The following DAB2IP variants were observed in gnomAD, a reference collection of about 807,000 sequenced individuals.
DAB2IP encodes disabled homolog 2-interacting protein.
DAB2IP carries 28 observed loss-of-function variants against 107.2 expected under a neutral mutation model. The observed-to-expected ratio is 0.26, with a 90% CI of 0.19 to 0.36. DAB2IP has a LOEUF of 0.36. Ranked by LOEUF, DAB2IP falls within the 10% of genes least tolerant of loss-of-function variation. The pLI is 1.00. For missense variants in DAB2IP, 1,400 were observed against 1,644.7 expected (o/e 0.85, Z 2.57); for synonymous variants, 755 against 706.4 (o/e 1.07, Z -1.09).
At chr9:121,682,121 G>A (rs1375239443) in intron 2 of DAB2IP, among the ~76,000 whole-genome samples, 1 of 152,232 alleles carries the variant, frequency 6.6e-6, no homozygotes, top group Admixed American at 6.5e-5. Context: ...CACAGACCCT[G>A]TGCAGGGCCA....
At chr9:121,615,727 A>G (rs1178659875) in intron 1 of DAB2IP, among the ~76,000 whole-genome samples, 1 of 151,818 alleles carries the variant, frequency 6.6e-6, no homozygotes, top group African/African-American at 2.4e-5. Flanking sequence ...CCCTGGTTCA[A>G]GCGATTCTCC....
intron 2 of DAB2IP, among the ~76,000 whole-genome samples, chr9:121,689,844 C>T (rs1268987562): frequency 6.6e-6 from 1 of 152,254 alleles, no homozygotes; most frequent in Non-Finnish European, 1.5e-5. Context: ...AGACTAATCC[C>T]CGCATTGTAC....
rs1832013759 is a variant in DAB2IP, at chr9:121,634,572, C to T, written c.41-44106C>T. 2.6e-5 allele frequency among the ~76,000 whole-genome samples: 4 copies of T among 152,080 alleles called. No individual in the cohort carries two copies. The highest frequency in any genetic ancestry group is 1.3e-4 in the Admixed American group (2 of 15,260). ...GGTGCGCAGTTTGGAAGGGGTGACGCGCAGGTCTGAGAATGGGTGGGCAGT... is the reference window on the plus strand; with the variant it reads ...GGTGCGCAGTTTGGAAGGGGTGACGTGCAGGTCTGAGAATGGGTGGGCAGT... On this transcript the variant is annotated intron_variant, in intron 1 of 16. Transcript: ENST00000259371. The surrounding 1 kb of genome is among the most constrained non-coding windows in gnomAD (Gnocchi z 4.7).
intron 1 of DAB2IP, among the ~76,000 whole-genome samples, chr9:121,657,378 C>G (rs1833011497): frequency 6.6e-6 from 1 of 152,184 alleles, no homozygotes; most frequent in African/African-American, 2.4e-5. Flanking sequence ...CTTCCTGACC[C>G]ACCCTCATCA....
chr9:121,735,464 GTTGT>G (rs576649650), intron 3 of DAB2IP, among the ~76,000 whole-genome samples: 1 of 152,228 alleles, frequency 6.6e-6, no homozygotes, highest in South Asian at 2.1e-4. Context: ...GAGCTCAGTA[GTTGT>G]TTGCTAAAAC....
rs952950429 is a variant in DAB2IP at position 121,570,947 on chromosome 9, C to T, written c.40+3719C>T. On this transcript the variant is annotated intron_variant, in intron 1 of 16. Transcript: ENST00000259371. ...CCTGCTGCTGCCCACAGGGTCCCTT[C>T]GCCAGTGCCTGCCTCCTCTGCTCCT... Among the ~76,000 whole-genome samples the T allele has an allele frequency of 9.2e-5, 14 of 152,038 alleles. 1 individual carries two copies. Among genetic ancestry groups the T allele is most frequent in the African/African-American group, 3.4e-4 (14 of 41,328 alleles).
intron 9 of DAB2IP, among the ~76,000 whole-genome samples, chr9:121,767,240 G>A (rs1387617724): frequency 6.6e-6 from 1 of 152,234 alleles, no homozygotes; most frequent in Non-Finnish European, 1.5e-5. Context: ...AAGTAGAAGG[G>A]CTGGGTCGTC....
intron 8 of DAB2IP, among the ~76,000 whole-genome samples, chr9:121,766,220 C>T (rs1834264749): frequency 6.6e-6 from 1 of 152,220 alleles, no homozygotes; most frequent in African/African-American, 2.4e-5. Context: ...CCTCATGCCT[C>T]CTCCCATCCC....
At chr9:121,781,573 T>G in intron 15 of DAB2IP, 22 bp downstream of exon 15, 10 of 1,611,180 alleles carry the variant, frequency 6.2e-6, no homozygotes, top group Non-Finnish European at 7.6e-6. Flanking sequence ...GGCCCTTTGG[T>G]CAGCCACAAG....
chr9:121,747,578 A>G (rs1357650453), intron 3 of DAB2IP, among the ~76,000 whole-genome samples: 3 of 151,982 alleles, frequency 2.0e-5, no homozygotes, highest in Non-Finnish European at 4.4e-5. Context: ...CGATCTCCTG[A>G]CCTCATGATC....
chr9:121,737,729 C>T (rs1404639525), intron 3 of DAB2IP: 1 of 985,312 alleles, frequency 1.0e-6, no homozygotes, highest in Non-Finnish European at 1.2e-6. Flanking sequence ...TGTTTGAAGT[C>T]CTGTGGGAGG....
intron 2 of DAB2IP, among the ~76,000 whole-genome samples, chr9:121,688,378 C>T (rs557240617): frequency 3.1e-4 from 47 of 152,304 alleles, no homozygotes; most frequent in African/African-American, 9.6e-4. Flanking sequence ...GCTTAAAGAA[C>T]GTCTAAAACG....
At chr9:121,668,047 C>T (rs1833520201) in intron 1 of DAB2IP, among the ~76,000 whole-genome samples, 1 of 152,180 alleles carries the variant, frequency 6.6e-6, no homozygotes, top group African/African-American at 2.4e-5. Flanking sequence ...TCACTACCAC[C>T]AGAACGCTAT....
chr9:121,746,083 G>C (rs1426349502), intron 3 of DAB2IP, among the ~76,000 whole-genome samples: 2 of 152,198 alleles, frequency 1.3e-5, no homozygotes, highest in African/African-American at 2.4e-5. Flanking sequence ...CTCAGCTGTG[G>C]GGGGAGAGTC....
intron 3 of DAB2IP, chr9:121,751,099 G>A (rs1833081512): frequency 4.4e-6 from 1 of 225,378 alleles, no homozygotes; most frequent in Non-Finnish European, 8.9e-6. Flanking sequence ...CCCGGCTGCT[G>A]TGGACCTTTC....
In DAB2IP at chr9:121,662,250, C is replaced by T. The variant is rs1564141379; in HGVS notation, c.124+10351C>T. Among the ~76,000 whole-genome samples, 1 of 152,194 alleles carries T rather than the reference C, an allele frequency of 6.6e-6. No homozygotes were observed. The highest frequency in any genetic ancestry group is 1.9e-4 in the East Asian group (1 of 5,202). On this transcript the variant is annotated intron_variant, in intron 1 of 15. Coordinates refer to ENST00000408936, the Ensembl canonical transcript of DAB2IP. This position sits in a 1 kb window ranked among gnomAD's most constrained non-coding sequence, Gnocchi z 4.6. ...CAAACCTTAACATTGCCATACCTGCCTCTCTTCTCTTTTCTTTCTATCTTT... is the reference window on the plus strand; with the variant it reads ...CAAACCTTAACATTGCCATACCTGCTTCTCTTCTCTTTTCTTTCTATCTTT...
At chr9:121,693,719 G>T (rs1053040920) in intron 2 of DAB2IP, among the ~76,000 whole-genome samples, 33 of 152,234 alleles carry the variant, frequency 2.2e-4, no homozygotes, top group African/African-American at 8.0e-4. Flanking sequence ...ATCTGCAGCA[G>T]CCCAGGTCAG....
At chr9:121,708,370 A>G (rs1359243517) in intron 3 of DAB2IP, among the ~76,000 whole-genome samples, 2 of 152,168 alleles carry the variant, frequency 1.3e-5, no homozygotes, top group Non-Finnish European at 2.9e-5. Context: ...TAAGGCTGTG[A>G]TGCCTTTTGA....
intron 1 of DAB2IP, among the ~76,000 whole-genome samples, chr9:121,672,167 A>C (rs1292398802): frequency 6.6e-6 from 1 of 152,164 alleles, no homozygotes; most frequent in Non-Finnish European, 1.5e-5. Flanking sequence ...GACCTTTCCA[A>C]AAGGTATGAA....
Sources: gnomAD v4.1 joint callset for allele counts (sites outside exome capture counted in the v4.1 genomes callset) on GRCh38, gnomAD v4.1.1 for gene constraint, Gnocchi (gnomAD v3.1) non-coding constraint, MANE v1.5 for transcripts, NCBI Gene and HGNC (gene_info 2026-07-23, HGNC 2026-07-21) for gene names.